The following NEK7 variants were observed in gnomAD, a reference collection of about 807,000 sequenced individuals.
NEK7 encodes serine/threonine-protein kinase Nek7.
A neutral mutation model predicts 44.6 loss-of-function variants in NEK7; 18 were observed. The observed-to-expected ratio is 0.40, with a 90% CI of 0.28 to 0.60. NEK7 has a LOEUF of 0.60. Ranked by LOEUF, NEK7 falls within the 20% of genes least tolerant of loss-of-function variation. NEK7 has a pLI of 0.38. For synonymous variants in NEK7, 130 were observed against 121.1 expected (o/e 1.07, Z -0.48); for missense variants, 256 against 366.5 (o/e 0.70, Z 2.46).
At chr1:198,300,621 C>G (rs1654855154) in intron 9 of NEK7, among the ~76,000 whole-genome samples, 1 of 152,232 alleles carries the variant, frequency 6.6e-6, no homozygotes, top group Admixed American at 6.5e-5. Flanking sequence ...CCCCTGCAGA[C>G]TGTCAAGCTC....
intron 7 of NEK7, among the ~76,000 whole-genome samples, chr1:198,280,378 A>G (rs201530214): frequency 6.6e-6 from 1 of 152,088 alleles, no homozygotes; most frequent in Admixed American, 6.6e-5. Context: ...CCAGGCTACA[A>G]TTACACACAC....
At chr1:198,240,481 CAG>C (rs1317813587) in intron 2 of NEK7, among the ~76,000 whole-genome samples, 1 of 137,958 alleles carries the variant, frequency 7.2e-6, no homozygotes, top group African/African-American at 2.8e-5. Flanking sequence ...CAGTTTAAGA[CAG>C]AGTGAGACTC....
Position 198,307,974 on chromosome 1 carries a change from C to A in NEK7, c.798+10734C>A, listed in dbSNP as rs77307817. On this transcript the variant is annotated intron_variant, in intron 9 of 9. Coordinates refer to ENST00000367385, the MANE Select transcript of NEK7 (RefSeq NM_133494.3). Reference sequence around the variant, plus strand: ...GGTAAAAGACCTGCCTGGAAAAAATCAAATGCCTTGGGTTCCAACTCAAGT... The same window carrying A: ...GGTAAAAGACCTGCCTGGAAAAAATAAAATGCCTTGGGTTCCAACTCAAGT... Among the ~76,000 whole-genome samples, 26 of 152,224 alleles carry A rather than the reference C, an allele frequency of 1.7e-4. 1 individual carries two copies. In the East Asian group the frequency reaches 5.0e-3, roughly 29 times the overall value.
chr1:198,283,711 T>C (rs1654282751), intron 7 of NEK7, among the ~76,000 whole-genome samples: 1 of 152,152 alleles, frequency 6.6e-6, no homozygotes, highest in Non-Finnish European at 1.5e-5. Context: ...AAATTTATGA[T>C]GAGGGCACAA....
rs974462096 is a variant in NEK7 at position 198,321,480 on chromosome 1, CTT to C, written c.*1965_*1966del. On this transcript the variant is annotated 3_prime_UTR_variant, in exon 10 of 10. Coordinates refer to ENST00000367385, the MANE Select transcript of NEK7 (RefSeq NM_133494.3). ...GTTCTCTGGTTGGAACAGATACTCT[CTT>C]TTTTTTCTTGCAATCTTTAAGAATA... 3.9e-5 allele frequency: 6 copies of C among 152,044 alleles called. No individual in the cohort carries two copies. The South Asian group carries it at 1.2e-3, about 32-fold the overall frequency. 9.4% of individuals were successfully genotyped at this position (152,044 alleles called of 1,614,324 possible).
Position 198,321,882 on chromosome 1 carries a change from A to G in NEK7, c.*2360A>G, listed in dbSNP as rs957102589. ...AAACTTTTGAATTGATTTGAGGAGCAGTAAAATGAAAGCTATATCTATTCT... is the reference window on the plus strand; with the variant it reads ...AAACTTTTGAATTGATTTGAGGAGCGGTAAAATGAAAGCTATATCTATTCT... On this transcript the variant is annotated 3_prime_UTR_variant, in exon 10 of 10. Coordinates refer to ENST00000367385, the MANE Select transcript of NEK7 (RefSeq NM_133494.3). The G allele has an allele frequency of 6.6e-6, 1 of 152,168 alleles. No homozygotes were observed. The highest frequency in any genetic ancestry group is 1.5e-5 in the Non-Finnish European group (1 of 67,974). 9.4% of individuals were successfully genotyped at this position (152,168 alleles called of 1,614,324 possible). A position where few individuals can be genotyped will look rare whatever the true frequency, so the allele number is the denominator to read the frequency against.
At chr1:198,280,686 C>G (rs529823090) in intron 7 of NEK7, among the ~76,000 whole-genome samples, 1 of 149,972 alleles carries the variant, frequency 6.7e-6, no homozygotes, top group East Asian at 2.0e-4. Context: ...CAAGTTTTAT[C>G]AAAATCAACT....
At chr1:198,210,400 A>C (rs1383885646) in intron 1 of NEK7, among the ~76,000 whole-genome samples, 4 of 152,096 alleles carry the variant, frequency 2.6e-5, no homozygotes, top group Non-Finnish European at 5.9e-5. Context: ...ATTTTAATAA[A>C]TATTTTCAAT....
intron 1 of NEK7, among the ~76,000 whole-genome samples, chr1:198,203,363 G>A (rs1665494115): frequency 6.6e-6 from 1 of 152,176 alleles, no homozygotes; most frequent in Non-Finnish European, 1.5e-5. Context: ...AGAAAAAGTA[G>A]ATTTTGAATG....
chr1:198,295,594 C>T (rs1288309016), intron 8 of NEK7, among the ~76,000 whole-genome samples: 1 of 151,256 alleles, frequency 6.6e-6, no homozygotes, highest in Non-Finnish European at 1.5e-5. Flanking sequence ...ATATACTATT[C>T]CTGTTTAACT....
intron 1 of NEK7, among the ~76,000 whole-genome samples, chr1:198,225,038 G>A (rs537886279): frequency 6.6e-6 from 1 of 151,924 alleles, no homozygotes; most frequent in Non-Finnish European, 1.5e-5. Flanking sequence ...TCATATAACA[G>A]TAGTAGTCAA....
At chr1:198,250,345 A>G (rs1362491094) in intron 2 of NEK7, among the ~76,000 whole-genome samples, 4 of 152,040 alleles carry the variant, frequency 2.6e-5, no homozygotes, top group African/African-American at 9.6e-5. Flanking sequence ...TTGGCTTAGA[A>G]TTGACTTGGC....
chr1:198,212,555 C>G (rs904290806), intron 1 of NEK7, among the ~76,000 whole-genome samples: 1 of 152,228 alleles, frequency 6.6e-6, no homozygotes, highest in Non-Finnish European at 1.5e-5. Context: ...GCCCTCTGAT[C>G]CCCACTGGGG....
rs188200800 is a variant in NEK7 at position 198,206,702 on chromosome 1, A to T, written c.-28-25851A>T. On this transcript the variant is annotated intron_variant, in intron 1 of 9. Transcript: ENST00000367385. ...TTTAAAAAAAAAGACAAGTGCTGTG[A>T]ACTTTTTCTCATTTCAGTGCCTTGA... is the stretch of plus-strand genomic sequence containing the variant. Among the ~76,000 whole-genome samples the T allele has an allele frequency of 9.7e-4, 148 of 152,284 alleles. 1 individual carries two copies. The highest frequency in any genetic ancestry group is 3.4e-3 in the African/African-American group (143 of 41,578).
chr1:198,308,789 A>G (rs886866827), intron 9 of NEK7, among the ~76,000 whole-genome samples: 2 of 152,138 alleles, frequency 1.3e-5, no homozygotes, highest in African/African-American at 4.8e-5. Context: ...CACACACATC[A>G]TACTTTCTTT....
intron 1 of NEK7, among the ~76,000 whole-genome samples, chr1:198,203,998 C>A (rs1665514813): frequency 6.6e-6 from 1 of 152,184 alleles, no homozygotes; most frequent in African/African-American, 2.4e-5. Context: ...GGGCTCATGC[C>A]CATATCCCAG....
chr1:198,258,645 A>C (rs1052598012), intron 3 of NEK7, among the ~76,000 whole-genome samples: 2 of 152,166 alleles, frequency 1.3e-5, no homozygotes, highest in Non-Finnish European at 2.9e-5. Flanking sequence ...AATTTTGGCA[A>C]AATTTTAAGA....
chr1:198,266,156 G>A lies in NEK7; in HGVS notation c.372+1921G>A, dbSNP rs183970009. 1.5e-3 allele frequency among the ~76,000 whole-genome samples: 231 copies of A among 152,002 alleles called. 2 individuals are homozygous for A. Among genetic ancestry groups the A allele is most frequent in the African/African-American group, 5.4e-3 (224 of 41,488 alleles). The stretch of plus-strand genomic sequence containing the variant: ...TATTTTATTACTTTGTTAATAATTG[G>A]ATTGTTTTCATTTTTTATTCTTACA... On this transcript the variant is annotated intron_variant, in intron 5 of 9. Coordinates refer to ENST00000367385, the MANE Select transcript of NEK7 (RefSeq NM_133494.3).
chr1:198,284,467 G>A (rs1440494155), intron 7 of NEK7, among the ~76,000 whole-genome samples: 1 of 152,090 alleles, frequency 6.6e-6, no homozygotes, highest in African/African-American at 2.4e-5. Flanking sequence ...AGGCCGCTAG[G>A]ATATCAAAAT....
Sources: gnomAD v4.1 joint callset for allele counts (sites outside exome capture counted in the v4.1 genomes callset) on GRCh38, gnomAD v4.1.1 for gene constraint, MANE v1.5 for transcripts, NCBI Gene and HGNC (gene_info 2026-07-23, HGNC 2026-07-21) for gene names.